Variants in PCDH15 observed in about 807,000 individuals in gnomAD.
PCDH15 encodes the protein protocadherin related 15, also known as protocadherin-15.
PCDH15 carries 129 observed loss-of-function variants against 178.5 expected under a neutral mutation model. The ratio of observed to expected loss-of-function variants is 0.72; its 90% confidence interval spans 0.63 to 0.84. The LOEUF is 0.84. Among genes scored for constraint, PCDH15 ranks in the 40% least tolerant of loss-of-function variants. The pLI is 0.00. For synonymous variants in PCDH15, 800 were observed against 732.0 expected (o/e 1.09, Z -1.50); for missense variants, 2,230 against 2,099.9 (o/e 1.06, Z -1.21).
chr10:54,765,404 C>T (rs79477309), intron 1 of PCDH15, among the ~76,000 whole-genome samples: 2,906 of 152,126 alleles, frequency 0.019, 90 homozygotes, highest in African/African-American at 0.065. Flanking sequence ...TCAGAGAGAG[C>T]AATCACAAAT....
intron 25 of PCDH15, among the ~76,000 whole-genome samples, chr10:53,932,375 C>G (rs1451261945): frequency 6.6e-6 from 1 of 152,186 alleles, no homozygotes; most frequent in South Asian, 2.1e-4. Flanking sequence ...TATAGAAGCA[C>G]AGACCTTTCT....
At chr10:55,557,752 AG>A (rs1304865070) in intron 2 of PCDH15, among the ~76,000 whole-genome samples, 1 of 152,176 alleles carries the variant, frequency 6.6e-6, no homozygotes, top group African/African-American at 2.4e-5. Flanking sequence ...GACAGAAGTC[AG>A]AAAAATTTTC....
intron 2 of PCDH15, among the ~76,000 whole-genome samples, chr10:54,540,329 A>C (rs945676171): frequency 4.0e-5 from 6 of 151,552 alleles, no homozygotes; most frequent in Non-Finnish European, 8.9e-5. Flanking sequence ...AGATGACATT[A>C]CAACTGGTCC....
chr10:53,976,739 G>A (rs1371929649), intron 21 of PCDH15, among the ~76,000 whole-genome samples: 4 of 151,984 alleles, frequency 2.6e-5, no homozygotes, highest in Non-Finnish European at 2.9e-5. Context: ...ATAATAATTT[G>A]TTAAATGAAT....
At chr10:55,408,648 T>C (rs1472010871) in intron 2 of PCDH15, among the ~76,000 whole-genome samples, 1 of 152,172 alleles carries the variant, frequency 6.6e-6, no homozygotes, top group Non-Finnish European at 1.5e-5. Context: ...TTAAAAATGG[T>C]ATACAATATG....
chr10:53,872,010 C>T (rs1206300560), intron 26 of PCDH15, among the ~76,000 whole-genome samples: 1 of 151,984 alleles, frequency 6.6e-6, no homozygotes, highest in East Asian at 1.9e-4. Flanking sequence ...CCAGGCATGG[C>T]TTCCCCCTCA....
At chr10:54,015,368 C>G (rs1243872596) in intron 20 of PCDH15, among the ~76,000 whole-genome samples, 1 of 126,750 alleles carries the variant, frequency 7.9e-6, no homozygotes, top group Non-Finnish European at 1.7e-5. Context: ...TCCTATTAAA[C>G]TACCAAAGGC....
chr10:54,057,650 C>G (rs998193241), intron 18 of PCDH15, among the ~76,000 whole-genome samples: 1 of 152,154 alleles, frequency 6.6e-6, no homozygotes, highest in Non-Finnish European at 1.5e-5. Flanking sequence ...CTCTGAGATA[C>G]CCTGGAGACA....
At chr10:54,470,293 G>C (rs2077817920) in intron 3 of PCDH15, among the ~76,000 whole-genome samples, 1 of 152,140 alleles carries the variant, frequency 6.6e-6, no homozygotes, top group African/African-American at 2.4e-5. Flanking sequence ...CTTTCTTCGG[G>C]GTGCTTTTAA....
chr10:54,980,112 T>G (rs891729479), intron 2 of PCDH15, among the ~76,000 whole-genome samples: 1 of 152,198 alleles, frequency 6.6e-6, no homozygotes, highest in Non-Finnish European at 1.5e-5. Flanking sequence ...TTGCAATTTT[T>G]TGAAATTTTG....
intron 19 of PCDH15, among the ~76,000 whole-genome samples, chr10:54,021,580 A>G (rs1242239209): frequency 6.6e-6 from 1 of 151,384 alleles, no homozygotes; most frequent in Non-Finnish European, 1.5e-5. Context: ...CCCCCCAACT[A>G]CTTTGAACAA....
chr10:54,579,905 A>G (rs1725090579), intron 2 of PCDH15, among the ~76,000 whole-genome samples: 1 of 151,988 alleles, frequency 6.6e-6, no homozygotes, highest in African/African-American at 2.4e-5. Flanking sequence ...GATATTAAGG[A>G]AATTTATAAA....
upstream of PCDH15, among the ~76,000 whole-genome samples, chr10:55,323,688 C>G (rs187702189): frequency 1.3e-5 from 2 of 152,134 alleles, no homozygotes; most frequent in East Asian, 3.9e-4. Context: ...TACATTGTAT[C>G]TAGGAAGTAA....
chr10:54,667,088 T>C (rs992399802), intron 1 of PCDH15, among the ~76,000 whole-genome samples: 1 of 152,038 alleles, frequency 6.6e-6, no homozygotes, highest in African/African-American at 2.4e-5. Flanking sequence ...TTAGAATAGA[T>C]ATAGCATTTA....
chr10:55,540,272 T>C (rs1841727852), intron 2 of PCDH15, among the ~76,000 whole-genome samples: 1 of 152,084 alleles, frequency 6.6e-6, no homozygotes, highest in Non-Finnish European at 1.5e-5. Flanking sequence ...TACAATGAGT[T>C]CATCAAAAGA....
chr10:54,662,934 T>G (rs2094513521), intron 2 of PCDH15, among the ~76,000 whole-genome samples: 1 of 151,956 alleles, frequency 6.6e-6, no homozygotes, highest in Non-Finnish European at 1.5e-5. Context: ...TAAAAATCAT[T>G]TTTAGGCTGC....
At chr10:54,856,079 ATATGATTGTATTTAAATAG>A (rs1354710646) in intron 3 of PCDH15, among the ~76,000 whole-genome samples, 1 of 152,222 alleles carries the variant, frequency 6.6e-6, no homozygotes, top group African/African-American at 2.4e-5. Flanking sequence ...TGATTAATAC[ATATGATTGTATTTAAATAG>A]TATGATTGTA....
chr10:54,232,617 T>A (rs140428923), intron 9 of PCDH15, among the ~76,000 whole-genome samples: 1 of 152,206 alleles, frequency 6.6e-6, no homozygotes, highest in Non-Finnish European at 1.5e-5. Context: ...GTTTGAATAG[T>A]TTGATTCCAG....
chr10:53,842,703 G>A (rs552321929), intron 28 of PCDH15, among the ~76,000 whole-genome samples: 1 of 152,204 alleles, frequency 6.6e-6, no homozygotes, highest in South Asian at 2.1e-4. Context: ...CCATTAATAA[G>A]CTTCTTCCTT....
Sources: gnomAD v4.1 joint callset for allele counts (sites outside exome capture counted in the v4.1 genomes callset) on GRCh38, gnomAD v4.1.1 for gene constraint, MANE v1.5 for transcripts, NCBI Gene and HGNC (gene_info 2026-07-23, HGNC 2026-07-21) for gene names.